Variants in PKNOX2 observed in about 807,000 individuals in gnomAD.
PKNOX2 encodes PBX/knotted 1 homeobox 2.
In PKNOX2, 14 loss-of-function variants were observed where a neutral mutation model predicts 53.1. The ratio of observed to expected loss-of-function variants is 0.26; its 90% CI spans 0.17 to 0.41. The LOEUF (loss-of-function observed/expected upper bound fraction) is 0.41. Among genes scored for constraint, PKNOX2 ranks in the 10% least tolerant of loss-of-function variants. The pLI, the probability that PKNOX2 is intolerant of heterozygous loss-of-function variation, is 1.00. For synonymous variants in PKNOX2, 257 were observed against 242.8 expected (o/e 1.06, Z -0.54); for missense variants, 496 against 602.8 (o/e 0.82, Z 1.85).
At chr11:125,345,017 C>T (rs1950896246) in intron 3 of PKNOX2, among the ~76,000 whole-genome samples, 1 of 152,156 alleles carries the variant, frequency 6.6e-6, no homozygotes, top group Non-Finnish European at 1.5e-5. Flanking sequence ...CTGACCTCAG[C>T]AGACTGGAGG....
chr11:125,408,493 C>T (rs1366714836), intron 7 of PKNOX2, among the ~76,000 whole-genome samples: 1 of 152,198 alleles, frequency 6.6e-6, no homozygotes, highest in South Asian at 2.1e-4. Context: ...CCAGGAGGCC[C>T]GTGCGGCAGG....
At chr11:125,358,240 A>G (rs1258017919) in intron 4 of PKNOX2, among the ~76,000 whole-genome samples, 2 of 152,220 alleles carry the variant, frequency 1.3e-5, no homozygotes, top group Admixed American at 6.5e-5. Context: ...CCAGCTATGA[A>G]CACCCCCTTA....
chr11:125,400,630 C>T (rs1199304794), intron 7 of PKNOX2, among the ~76,000 whole-genome samples: 1 of 152,142 alleles, frequency 6.6e-6, no homozygotes, highest in Non-Finnish European at 1.5e-5. Flanking sequence ...CCCACAACCC[C>T]ATCATCTCTG....
At chr11:125,367,281 A>G (rs775297106) in intron 4 of PKNOX2, among the ~76,000 whole-genome samples, 2 of 152,244 alleles carry the variant, frequency 1.3e-5, no homozygotes, top group African/African-American at 2.4e-5. Flanking sequence ...GTTATGGCCA[A>G]GAACAAGAAT....
intron 4 of PKNOX2, among the ~76,000 whole-genome samples, chr11:125,353,305 T>A (rs1951417916): frequency 6.6e-6 from 1 of 152,168 alleles, no homozygotes. Flanking sequence ...TGGTGGCCCC[T>A]TCCCTCTCAC....
intron 10 of PKNOX2, among the ~76,000 whole-genome samples, chr11:125,421,225 C>T (rs953796466): frequency 6.6e-6 from 1 of 152,176 alleles, no homozygotes; most frequent in Non-Finnish European, 1.5e-5. Context: ...CAAGCACGGA[C>T]ACTCGAGTGG....
intron 5 of PKNOX2, among the ~76,000 whole-genome samples, chr11:125,374,046 C>T (rs762848426): frequency 6.6e-6 from 1 of 152,134 alleles, no homozygotes; most frequent in Non-Finnish European, 1.5e-5. Flanking sequence ...TCCTCTGTAG[C>T]AGCCGCCTGG....
chr11:125,296,828 G>C (rs1322960893), intron 2 of PKNOX2, among the ~76,000 whole-genome samples: 1 of 152,104 alleles, frequency 6.6e-6, no homozygotes, highest in Non-Finnish European at 1.5e-5. Flanking sequence ...TAGAGACGGG[G>C]TTTCACCATG....
In PKNOX2 at chr11:125,385,636, T is replaced by C; in HGVS notation, c.313T>C (p.Phe105Leu). ...QGSECITSAS[F>L]DVDIENFVHQ... The stretch of plus-strand genomic sequence containing the variant: ...CTCTGAGTGCATCACCTCCGCCAGC[T>C]TTGATGTGGACATCGAGAACTTTGT... The change falls in exon 6 of 13, where the codon TTT becomes CTT. Residue 105 changes from phenylalanine to leucine, a missense_variant. Phe to Leu is a conservative substitution (Grantham distance 22, BLOSUM62 0). Transcript: ENST00000298282. 2.5e-6 allele frequency: 4 copies of C among 1,614,046 alleles called. No individual in the cohort carries two copies. Among genetic ancestry groups the C allele is most frequent in the Non-Finnish European group, 3.4e-6 (4 of 1,179,988 alleles).
At chr11:125,371,664 G>C (rs2136293674) in intron 5 of PKNOX2, among the ~76,000 whole-genome samples, 1 of 152,268 alleles carries the variant, frequency 6.6e-6, no homozygotes, top group Admixed American at 6.5e-5. Flanking sequence ...GGAGGAGGTT[G>C]GCTTTGCGAA....
intron 1 of PKNOX2, among the ~76,000 whole-genome samples, chr11:125,176,559 T>G (rs1955717971): frequency 6.6e-6 from 1 of 152,132 alleles, no homozygotes. Flanking sequence ...GAGGACATCC[T>G]GGAGGAAGTG....
intron 2 of PKNOX2, among the ~76,000 whole-genome samples, chr11:125,291,226 A>G (rs775967343): frequency 7.9e-5 from 12 of 152,180 alleles, no homozygotes; most frequent in Non-Finnish European, 1.5e-4. Context: ...AGTAGACCCT[A>G]AGAATCAGTG....
At chr11:125,245,889 GA>G (rs913422303) in intron 2 of PKNOX2, among the ~76,000 whole-genome samples, 10 of 152,314 alleles carry the variant, frequency 6.6e-5, no homozygotes, top group African/African-American at 2.4e-4. Context: ...CAAGGCCTGG[GA>G]AAGTCCAGGG....
intron 5 of PKNOX2, among the ~76,000 whole-genome samples, chr11:125,375,629 A>G (rs1392507507): frequency 6.6e-6 from 1 of 152,176 alleles, no homozygotes; most frequent in Non-Finnish European, 1.5e-5. Flanking sequence ...CACATATAAG[A>G]GCACTTTACA....
intron 1 of PKNOX2, among the ~76,000 whole-genome samples, chr11:125,181,544 C>A (rs4936986): frequency 0.42 from 63,118 of 152,074 alleles, 13,161 homozygotes; most frequent in East Asian, 0.47. Context: ...CCTTAATACA[C>A]GCATTTGAGA....
At chr11:125,411,988 C>T (rs1462382097) in intron 10 of PKNOX2, 123 bp downstream of exon 10, 20 of 1,468,406 alleles carry the variant, frequency 1.4e-5, no homozygotes, top group Non-Finnish European at 1.8e-5. Flanking sequence ...TCGGGGAGAG[C>T]TCTCTGATAG....
chr11:125,334,623 G>A (rs543703247), intron 3 of PKNOX2, among the ~76,000 whole-genome samples: 72 of 149,454 alleles, frequency 4.8e-4, no homozygotes, highest in Non-Finnish European at 8.7e-4. Context: ...TTTTGAGACA[G>A]GGTCTCACTC....
At chr11:125,363,851 G>A (rs1952048539) in intron 4 of PKNOX2, among the ~76,000 whole-genome samples, 1 of 152,000 alleles carries the variant, frequency 6.6e-6, no homozygotes, top group Non-Finnish European at 1.5e-5. Flanking sequence ...CTCTCTGGGA[G>A]TGGGGGTGGG....
At chr11:125,204,551 A>G (rs1292011970) in intron 1 of PKNOX2, among the ~76,000 whole-genome samples, 2 of 152,150 alleles carry the variant, frequency 1.3e-5, no homozygotes, top group African/African-American at 4.8e-5. Context: ...GACACATCCC[A>G]GTTTGCCTGG....
Sources: allele counts gnomAD v4.1 joint callset (sites outside exome capture counted in the v4.1 genomes callset), GRCh38; gene constraint gnomAD v4.1.1; transcripts MANE v1.5; gene names NCBI Gene and HGNC (gene_info 2026-07-23, HGNC 2026-07-21).